CFDP1: variants seen among roughly 807,000 people sequenced by gnomAD.
CFDP1 encodes chromatin remodeling protein CFDP1, also known as heterochromatin-stabilizing protein CFDP1.
Under a neutral mutation model 40.1 loss-of-function variants are expected in CFDP1, and 31 were observed. The observed-to-expected ratio is 0.77, with a 90% CI of 0.58 to 1.04. The LOEUF (loss-of-function observed/expected upper bound fraction) is 1.04. Ranked by LOEUF, CFDP1 falls within the 50% of genes least tolerant of loss-of-function variation. The pLI is 0.00. For missense variants in CFDP1, 423 were observed against 343.4 expected (o/e 1.23, Z -1.83); for synonymous variants, 167 against 120.0 (o/e 1.39, Z -2.56).
chr16:75,320,211 G>C (rs1268350383), intron 5 of CFDP1, among the ~76,000 whole-genome samples: 4 of 152,194 alleles, frequency 2.6e-5, no homozygotes, highest in Non-Finnish European at 5.9e-5. Flanking sequence ...ACTGCTAGGA[G>C]ATGTATGAAC....
intron 5 of CFDP1, among the ~76,000 whole-genome samples, chr16:75,383,840 T>C: frequency 8.0e-6 from 1 of 125,440 alleles, no homozygotes; most frequent in African/African-American, 2.8e-5. Flanking sequence ...AAAAAAAAGA[T>C]ACAGCCCCAA....
rs577441370 is a variant in CFDP1 at position 75,368,112 on chromosome 16, A to T, written c.650+26978T>A. 4.6e-5 allele frequency among the ~76,000 whole-genome samples: 7 copies of T among 152,274 alleles called. No homozygotes were observed. In the South Asian group the frequency reaches 1.5e-3, roughly 32 times the overall value. ...CTCCATCTCAAACAAATAAAACAAA[A>T]AGATTTAACGGTCAAATGGAATATG... On this transcript the variant is annotated intron_variant, in intron 5 of 6. Transcript: ENST00000283882.
intron 5 of CFDP1, among the ~76,000 whole-genome samples, chr16:75,367,482 T>C (rs965098766): frequency 2.9e-5 from 4 of 139,194 alleles, no homozygotes; most frequent in Admixed American, 1.4e-4. Flanking sequence ...GTGGGAGAGA[T>C]AAAATGAGAC....
intron 5 of CFDP1, among the ~76,000 whole-genome samples, chr16:75,314,804 T>A (rs891999640): frequency 4.6e-5 from 7 of 152,142 alleles, no homozygotes; most frequent in African/African-American, 1.7e-4. Context: ...CAGGCTGGAG[T>A]GCAGTGGCGC....
chr16:75,305,797 C>T (rs2078252908), intron 5 of CFDP1, among the ~76,000 whole-genome samples: 1 of 152,150 alleles, frequency 6.6e-6, no homozygotes, highest in Admixed American at 6.5e-5. Flanking sequence ...TAAGAGGGTT[C>T]TAAAATCAGT....
chr16:75,327,681 C>A (rs757247341), intron 5 of CFDP1, among the ~76,000 whole-genome samples: 11 of 152,088 alleles, frequency 7.2e-5, no homozygotes, highest in African/African-American at 1.2e-4. Context: ...CATGCCATGG[C>A]TCAGTAGTGA....
intron 5 of CFDP1, among the ~76,000 whole-genome samples, chr16:75,351,688 T>C (rs1269800894): frequency 2.0e-5 from 3 of 152,104 alleles, no homozygotes; most frequent in Non-Finnish European, 4.4e-5. Context: ...ATCTTTCCTA[T>C]ATGAATTGGG....
chr16:75,426,471 C>T (rs940195460), intron 1 of CFDP1, among the ~76,000 whole-genome samples: 9 of 151,970 alleles, frequency 5.9e-5, no homozygotes, highest in African/African-American at 2.2e-4. Flanking sequence ...AAGCACAACC[C>T]ATAATAGAAA....
chr16:75,388,372 T>G (rs1488834763), intron 5 of CFDP1, among the ~76,000 whole-genome samples: 5 of 152,238 alleles, frequency 3.3e-5, no homozygotes, highest in Non-Finnish European at 4.4e-5. Flanking sequence ...ATGTTTGGTA[T>G]TTAATCTAGA....
At chr16:75,305,462 G>T in intron 5 of CFDP1, 1 of 333,318 alleles carries the variant, frequency 3.0e-6, no homozygotes, top group Non-Finnish European at 5.5e-6. Context: ...GCAGGTCTCT[G>T]CTTGCAAGGA....
At chr16:75,356,847 C>A (rs1178202922) in intron 5 of CFDP1, among the ~76,000 whole-genome samples, 1 of 151,814 alleles carries the variant, frequency 6.6e-6, no homozygotes, top group Non-Finnish European at 1.5e-5. Context: ...CTTACTGCAG[C>A]TTCCGCATCA....
At chr16:75,341,715 C>T (rs1175417951) in intron 5 of CFDP1, among the ~76,000 whole-genome samples, 1 of 151,788 alleles carries the variant, frequency 6.6e-6, no homozygotes, top group African/African-American at 2.4e-5. Context: ...CAGCTCCAGC[C>T]ATAGCATTTC....
At chr16:75,363,539 G>A (rs573518961) in intron 5 of CFDP1, among the ~76,000 whole-genome samples, 3 of 152,032 alleles carry the variant, frequency 2.0e-5, no homozygotes, top group South Asian at 2.1e-4. Flanking sequence ...GGGATTATAG[G>A]TGCCCGCCAT....
intron 1 of CFDP1, among the ~76,000 whole-genome samples, chr16:75,428,128 T>A (rs192705257): frequency 1.1e-3 from 132 of 116,504 alleles, no homozygotes; most frequent in Non-Finnish European, 1.7e-3. Flanking sequence ...GCAGGGGAAA[T>A]TTGTTTTTTT....
chr16:75,424,791 G>C (rs1313288636), intron 1 of CFDP1, among the ~76,000 whole-genome samples: 4 of 150,314 alleles, frequency 2.7e-5, no homozygotes, highest in African/African-American at 9.8e-5. Context: ...AAAAGGCAAA[G>C]ATGTCCCCTC....
At chr16:75,302,539 C>A (rs557185884) in intron 6 of CFDP1, among the ~76,000 whole-genome samples, 1 of 152,358 alleles carries the variant, frequency 6.6e-6, no homozygotes, top group African/African-American at 2.4e-5. Flanking sequence ...GAGTGAGCCA[C>A]TGCTCCCAAC....
chr16:75,354,694 G>GA (rs11410399), intron 5 of CFDP1, among the ~76,000 whole-genome samples: 78,538 of 152,000 alleles, frequency 0.52, 21,401 homozygotes, highest in Admixed American at 0.64. Context: ...TGGGGAAAGG[G>GA]AAAAGTGCTG....
At chr16:75,420,138 T>TAAAAAAAAAAAAAAAAAAAAAAAAAAAA (rs1567681524) in intron 1 of CFDP1, among the ~76,000 whole-genome samples, 2 of 140,326 alleles carry the variant, frequency 1.4e-5, no homozygotes, top group African/African-American at 2.6e-5. Flanking sequence ...AAAAAAAAAT[T>TAAAAAAAAAAAAAAAAAAAAAAAAAAAA]AAAAAGCAAT....
intron 5 of CFDP1, among the ~76,000 whole-genome samples, chr16:75,306,119 G>A (rs1184569836): frequency 1.3e-5 from 2 of 152,202 alleles, no homozygotes; most frequent in Non-Finnish European, 2.9e-5. Flanking sequence ...GTTATTTTCC[G>A]CCTCACGGGG....
Sources: allele counts gnomAD v4.1 joint callset (sites outside exome capture counted in the v4.1 genomes callset), GRCh38; gene constraint gnomAD v4.1.1; transcripts MANE v1.5; gene names NCBI Gene and HGNC (gene_info 2026-07-23, HGNC 2026-07-21).